The following SLC25A21 variants were observed in gnomAD, a reference collection of about 807,000 sequenced individuals.
SLC25A21 encodes the protein mitochondrial 2-oxodicarboxylate carrier.
SLC25A21 carries 47 observed loss-of-function variants against 43.8 expected under a neutral mutation model. The observed-to-expected ratio is 1.07, with a 90% confidence interval of 0.85 to 1.37. SLC25A21 has a LOEUF of 1.37. SLC25A21 is among the 40% of genes most tolerant of loss of function. SLC25A21 has a pLI of 0.00. For missense variants in SLC25A21, 352 were observed against 350.2 expected, an observed-to-expected ratio of 1.00 and a Z score of -0.04; for synonymous variants, 131 against 121.3, an observed-to-expected ratio of 1.08 and a Z score of -0.52.
intron 2 of SLC25A21, among the ~76,000 whole-genome samples, chr14:36,859,631 G>T (rs527935835): frequency 2.0e-5 from 3 of 152,264 alleles, no homozygotes; most frequent in Non-Finnish European, 4.4e-5. Flanking sequence ...ATAAGTACAG[G>T]GGCAGCTGGT....
At chr14:36,886,126 G>C (rs1154117) in intron 1 of SLC25A21, among the ~76,000 whole-genome samples, 122,240 of 152,084 alleles carry the variant, frequency 0.8, 49,800 homozygotes, top group Non-Finnish European at 0.87. Flanking sequence ...ATCTGCTCTA[G>C]TAGTCAAGCA....
intron 1 of SLC25A21, among the ~76,000 whole-genome samples, chr14:37,115,247 G>A (rs766478338): frequency 1.3e-5 from 2 of 152,130 alleles, no homozygotes; most frequent in South Asian, 2.1e-4. Context: ...GGGCAGCACC[G>A]CCAAGGTCCC....
chr14:36,683,904 A>ATTCT lies in SLC25A21; in HGVS notation c.786-25_786-24insAGAA, dbSNP rs772892896. ...TCCTGTAATGGGAAGGGAAAGAGAA[A>ATTCT]CGTTCTTATTCTGAAAATAAATGGA... On this transcript the variant is annotated intron_variant, in intron 8 of 9. Coordinates refer to ENST00000331299, the MANE Select transcript of SLC25A21 (RefSeq NM_030631.4). 3 of 1,577,934 alleles carry ATTCT rather than the reference A, an allele frequency of 1.9e-6. No homozygotes were observed. The South Asian group carries it at 3.5e-5, about 18-fold the overall frequency.
intron 1 of SLC25A21, among the ~76,000 whole-genome samples, chr14:37,001,339 T>C (rs564789705): frequency 1.3e-5 from 2 of 152,266 alleles, no homozygotes; most frequent in South Asian, 4.1e-4. Context: ...CTGTAAGAAA[T>C]AGTATTATCA....
intron 1 of SLC25A21, among the ~76,000 whole-genome samples, chr14:36,989,298 T>G (rs1396138068): frequency 6.6e-6 from 1 of 152,150 alleles, no homozygotes; most frequent in Non-Finnish European, 1.5e-5. Flanking sequence ...AAAAAGGTCC[T>G]CCACTGGCAG....
At chr14:36,686,217 T>C (rs557893440) in intron 7 of SLC25A21, among the ~76,000 whole-genome samples, 1 of 152,310 alleles carries the variant, frequency 6.6e-6, no homozygotes, top group Non-Finnish European at 1.5e-5. Flanking sequence ...GGTTTGGTAA[T>C]AATTCCTGGA....
chr14:37,083,234 C>A (rs1018507148), intron 1 of SLC25A21, among the ~76,000 whole-genome samples: 2 of 152,152 alleles, frequency 1.3e-5, no homozygotes, highest in South Asian at 4.1e-4. Context: ...TAAGTGAATT[C>A]ACCAAATGCT....
intron 2 of SLC25A21, among the ~76,000 whole-genome samples, chr14:36,854,049 A>C (rs17105523): frequency 0.073 from 11,184 of 152,244 alleles, 589 homozygotes; most frequent in East Asian, 0.21. Flanking sequence ...TAAAGTTGGG[A>C]TAGATCATTC....
chr14:37,067,077 G>T (rs909630913), intron 1 of SLC25A21, among the ~76,000 whole-genome samples: 1 of 152,064 alleles, frequency 6.6e-6, no homozygotes, highest in African/African-American at 2.4e-5. Context: ...AATGGGCTAA[G>T]GAGTAACATA....
intron 1 of SLC25A21, among the ~76,000 whole-genome samples, chr14:36,896,541 TTTAAGG>T (rs1365279579): frequency 6.6e-6 from 1 of 152,214 alleles, no homozygotes; most frequent in Non-Finnish European, 1.5e-5. Context: ...CCCATTTACA[TTTAAGG>T]TTAATATTAT....
At chr14:36,958,689 A>G (rs1235210157) in intron 1 of SLC25A21, among the ~76,000 whole-genome samples, 9 of 113,916 alleles carry the variant, frequency 7.9e-5, no homozygotes, top group East Asian at 6.0e-4. Flanking sequence ...GCACACACAC[A>G]CACACACACA....
At chr14:37,150,185 G>T (rs1006902630) in intron 1 of SLC25A21, among the ~76,000 whole-genome samples, 2 of 152,056 alleles carry the variant, frequency 1.3e-5, no homozygotes, top group African/African-American at 4.8e-5. Flanking sequence ...GTTTAGAGAT[G>T]TTTATAATTT....
Position 36,679,750 on chromosome 14 carries a change from T to A in SLC25A21, c.*908A>T. On this transcript the variant is annotated 3_prime_UTR_variant, in exon 10 of 10. Transcript: ENST00000331299. ...TTCCTAAAAATGGCACAGGTAGGCA[T>A]GCTGAATAAAGGTATTTGGATGCAA... 1.0e-6 allele frequency: 1 copy of A among 985,454 alleles called. No individual in the cohort carries two copies. The highest frequency in any genetic ancestry group is 1.2e-6 in the Non-Finnish European group (1 of 829,924). 61.0% of individuals were successfully genotyped at this position (985,454 alleles called of 1,614,324 possible). A position where few individuals can be genotyped will look rare whatever the true frequency, so the allele number is the denominator to read the frequency against.
In SLC25A21 at chr14:37,038,685, C is replaced by G. The variant is rs17106062; in HGVS notation, c.70+133596G>C. Among the ~76,000 whole-genome samples, 1,411 of 152,254 alleles carry G rather than the reference C, an allele frequency of 9.3e-3. 18 individuals are homozygous for G. Among genetic ancestry groups the G allele is most frequent in the African/African-American group, 0.032 (1,344 of 41,526 alleles). ...GAGGGGGATAGTCTTTTCCTTGGCC[C>G]TAAAATTATGCTGCATTTAATTCCA... is the stretch of plus-strand genomic sequence containing the variant. On this transcript the variant is annotated intron_variant, in intron 1 of 9. Coordinates refer to ENST00000331299, the MANE Select transcript of SLC25A21 (RefSeq NM_030631.4).
At chr14:36,857,918 G>A (rs981847856) in intron 2 of SLC25A21, among the ~76,000 whole-genome samples, 14 of 152,168 alleles carry the variant, frequency 9.2e-5, no homozygotes, top group Admixed American at 5.9e-4. Flanking sequence ...ATTGGCTTTC[G>A]GGGGGAATAT....
At chr14:37,033,273 T>C (rs535619902) in intron 1 of SLC25A21, among the ~76,000 whole-genome samples, 28 of 152,338 alleles carry the variant, frequency 1.8e-4, no homozygotes, top group Non-Finnish European at 2.5e-4. Context: ...GGTTAATCCA[T>C]GTTGTAGCAC....
At chr14:37,117,503 C>T (rs1963126648) in intron 1 of SLC25A21, among the ~76,000 whole-genome samples, 1 of 152,114 alleles carries the variant, frequency 6.6e-6, no homozygotes, top group African/African-American at 2.4e-5. Flanking sequence ...TTTTTCTATA[C>T]ATCCCTTAAG....
intron 1 of SLC25A21, among the ~76,000 whole-genome samples, chr14:37,133,703 C>T (rs1278698095): frequency 6.6e-6 from 1 of 152,046 alleles, no homozygotes; most frequent in East Asian, 1.9e-4. Context: ...CCTTCCCCTC[C>T]TCCAGACCCT....
intron 1 of SLC25A21, among the ~76,000 whole-genome samples, chr14:36,882,596 T>C (rs1174926787): frequency 1.3e-5 from 2 of 152,008 alleles, no homozygotes; most frequent in Non-Finnish European, 2.9e-5. Flanking sequence ...ATAAATTACA[T>C]CAAATACCTG....
Sources: gnomAD v4.1 joint callset for allele counts (sites outside exome capture counted in the v4.1 genomes callset) on GRCh38, gnomAD v4.1.1 for gene constraint, MANE v1.5 for transcripts, NCBI Gene and HGNC (gene_info 2026-07-23, HGNC 2026-07-21) for gene names.